SLC24A3: variants seen among roughly 807,000 people sequenced by gnomAD.
The protein encoded by SLC24A3 is solute carrier family 24 member 3.
SLC24A3 carries 28 observed loss-of-function variants against 75.8 expected under a neutral mutation model. The ratio of observed to expected loss-of-function variants is 0.37; its 90% CI spans 0.27 to 0.51. The LOEUF (loss-of-function observed/expected upper bound fraction) is 0.51. SLC24A3 is among the 20% of genes least tolerant of loss of function. The pLI, the probability that SLC24A3 is intolerant of heterozygous loss-of-function variation, is 0.94. For missense variants in SLC24A3, 663 were observed against 847.8 expected (o/e 0.78, Z 2.71); for synonymous variants, 372 against 334.1 (o/e 1.11, Z -1.24).
At chr20:19,435,656 A>C (rs1356492255) in intron 2 of SLC24A3, among the ~76,000 whole-genome samples, 1 of 152,108 alleles carries the variant, frequency 6.6e-6, no homozygotes, top group East Asian at 1.9e-4. Flanking sequence ...TGGAGTGCCC[A>C]CCCCTGACAA....
At chr20:19,313,028 C>CTTTTTTTTTTT (rs747623530) in intron 2 of SLC24A3, among the ~76,000 whole-genome samples, 3 of 68,322 alleles carry the variant, frequency 4.4e-5, no homozygotes, top group East Asian at 6.4e-4. Flanking sequence ...TTTTCTCTTG[C>CTTTTTTTTTTT]TTTTTTTTTT....
intron 12 of SLC24A3, among the ~76,000 whole-genome samples, chr20:19,686,078 A>G (rs965616868): frequency 2.6e-5 from 4 of 152,200 alleles, no homozygotes; most frequent in South Asian, 2.1e-4. Context: ...CATCAGTTCT[A>G]TGGGACAGTT....
At chr20:19,455,775 C>A (rs1188604566) in intron 2 of SLC24A3, among the ~76,000 whole-genome samples, 1 of 152,212 alleles carries the variant, frequency 6.6e-6, no homozygotes, top group East Asian at 1.9e-4. Context: ...CTGGTGCTTC[C>A]TCGGATCACC....
Position 19,548,132 on chromosome 20 carries a change from G to A in SLC24A3, c.349-31868G>A, listed in dbSNP as rs77655552. Among the ~76,000 whole-genome samples the A allele has an allele frequency of 4.7e-3, 715 of 152,320 alleles. 3 individuals carry two copies. Among genetic ancestry groups the A allele is most frequent in the Middle Eastern group, 0.017 (5 of 294 alleles). The stretch of plus-strand genomic sequence containing the variant: ...GGTATCAAAAGGGGCTGATTTACAA[G>A]CAAGGCTGATGTTCCGCGCTTCTCG... On this transcript the variant is annotated intron_variant, in intron 3 of 16. Coordinates refer to ENST00000328041, the MANE Select transcript of SLC24A3 (RefSeq NM_020689.4).
chr20:19,420,922 T>C (rs11699436), intron 2 of SLC24A3, among the ~76,000 whole-genome samples: 1,761 of 14,464 alleles, frequency 0.12, 76 homozygotes, highest in East Asian at 0.52. Context: ...TTGACAAACC[T>C]GAGAAAAACA....
chr20:19,334,163 G>A lies in SLC24A3; in HGVS notation c.271+53076G>A, dbSNP rs533059650. ...GTCGTTGTCTCCGTGAGTATGGTCC[G>A]TTTATCCTAATGACTTGTTATTGGC... is the stretch of plus-strand genomic sequence containing the variant. On this transcript the variant is annotated intron_variant, in intron 2 of 16. Transcript: ENST00000328041. 7.2e-5 allele frequency among the ~76,000 whole-genome samples: 11 copies of A among 152,234 alleles called. No homozygotes were observed. The East Asian group carries it at 2.1e-3, about 29-fold the overall frequency.
At chr20:19,488,818 C>T (rs1988165721) in intron 2 of SLC24A3, among the ~76,000 whole-genome samples, 1 of 152,062 alleles carries the variant, frequency 6.6e-6, no homozygotes, top group African/African-American at 2.4e-5. Context: ...TAATTTTATA[C>T]AATTTCTTAA....
chr20:19,658,818 A>C (rs959717394), intron 7 of SLC24A3, among the ~76,000 whole-genome samples: 6 of 152,162 alleles, frequency 3.9e-5, no homozygotes, highest in Non-Finnish European at 7.3e-5. Flanking sequence ...AGCCAGGTGC[A>C]AATTATTGCA....
intron 2 of SLC24A3, among the ~76,000 whole-genome samples, chr20:19,481,829 CT>C (rs1251649330): frequency 6.6e-6 from 1 of 152,160 alleles, no homozygotes; most frequent in Non-Finnish European, 1.5e-5. Context: ...TCTTTGGCCC[CT>C]CCCCTTAGGG....
intron 1 of SLC24A3, among the ~76,000 whole-genome samples, chr20:19,253,835 C>T (rs1182266192): frequency 2.6e-5 from 4 of 152,212 alleles, no homozygotes; most frequent in Non-Finnish European, 5.9e-5. Flanking sequence ...CAAGACCTGA[C>T]AAGCTTGATA....
chr20:19,320,447 T>G (rs1984682621), intron 2 of SLC24A3, among the ~76,000 whole-genome samples: 1 of 152,124 alleles, frequency 6.6e-6, no homozygotes, highest in Non-Finnish European at 1.5e-5. Context: ...GCTTTGTTCA[T>G]GGGATGGTCA....
chr20:19,508,657 G>A (rs1988494331), intron 2 of SLC24A3, among the ~76,000 whole-genome samples: 1 of 152,202 alleles, frequency 6.6e-6, no homozygotes, highest in Non-Finnish European at 1.5e-5. Flanking sequence ...AGGTCCCTGT[G>A]GTTTCCATGG....
intron 8 of SLC24A3, among the ~76,000 whole-genome samples, chr20:19,672,065 C>A (rs1290557973): frequency 1.3e-5 from 2 of 152,080 alleles, no homozygotes; most frequent in African/African-American, 2.4e-5. Context: ...GGACAACCAC[C>A]CACTCATGCT....
intron 2 of SLC24A3, among the ~76,000 whole-genome samples, chr20:19,514,879 G>T (rs1173358203): frequency 1.3e-5 from 2 of 152,094 alleles, no homozygotes; most frequent in African/African-American, 2.4e-5. Flanking sequence ...AGCAGGGAGG[G>T]GGTTGTTCTA....
intron 6 of SLC24A3, among the ~76,000 whole-genome samples, chr20:19,640,312 C>A (rs988738914): frequency 4.6e-5 from 7 of 152,044 alleles, no homozygotes; most frequent in African/African-American, 1.7e-4. Flanking sequence ...TTACTGACAC[C>A]TGAAATAAGG....
intron 9 of SLC24A3, among the ~76,000 whole-genome samples, chr20:19,678,276 A>C (rs1238751125): frequency 1.8e-4 from 26 of 141,044 alleles, no homozygotes; most frequent in Admixed American, 2.7e-4. Flanking sequence ...ACTTCCCAGT[A>C]GGGGCGGCCG....
chr20:19,441,573 G>T (rs182025589), intron 2 of SLC24A3, among the ~76,000 whole-genome samples: 67 of 152,244 alleles, frequency 4.4e-4, no homozygotes, highest in African/African-American at 1.5e-3. Flanking sequence ...AGTATGAAAA[G>T]TCCCCATATC....
At chr20:19,709,659 A>G (rs920755288) in intron 15 of SLC24A3, among the ~76,000 whole-genome samples, 12 of 152,044 alleles carry the variant, frequency 7.9e-5, no homozygotes, top group South Asian at 6.2e-4. Flanking sequence ...GTCCAGATGC[A>G]CTTCTGAGGG....
intron 3 of SLC24A3, among the ~76,000 whole-genome samples, chr20:19,555,905 A>G (rs1448465791): frequency 6.6e-6 from 1 of 152,204 alleles, no homozygotes; most frequent in African/African-American, 2.4e-5. Flanking sequence ...GAAATAATTA[A>G]CAAAATAGCT....
Sources: gnomAD v4.1 joint callset for allele counts (sites outside exome capture counted in the v4.1 genomes callset) on GRCh38, gnomAD v4.1.1 for gene constraint, MANE v1.5 for transcripts, NCBI Gene and HGNC (gene_info 2026-07-23, HGNC 2026-07-21) for gene names.